The following PTPN2 variants were observed in gnomAD, a reference collection of about 807,000 sequenced individuals.
PTPN2 encodes protein tyrosine phosphatase non-receptor type 2.
Under a neutral mutation model 57.3 loss-of-function variants are expected in PTPN2, and 19 were observed. That is an observed-to-expected ratio of 0.33 (90% CI 0.23 to 0.49). The LOEUF is 0.49. Ranked by LOEUF, PTPN2 falls within the 20% of genes least tolerant of loss-of-function variation. The pLI is 0.99. For synonymous variants in PTPN2, 153 were observed against 164.9 expected, an observed-to-expected ratio of 0.93 and a Z score of 0.55; for missense variants, 358 against 501.1, an observed-to-expected ratio of 0.71 and a Z score of 2.73.
chr18:12,837,007 A>G, intron 2 of PTPN2, 116 bp from the exon 3 acceptor site: 1 of 668,198 alleles, frequency 1.5e-6, no homozygotes, highest in East Asian at 2.8e-5. Flanking sequence ...ATGAATTAGC[A>G]TCATAATAGA....
intron 1 of PTPN2, among the ~76,000 whole-genome samples, chr18:12,878,596 G>C (rs1017839070): frequency 6.6e-5 from 10 of 151,742 alleles, no homozygotes; most frequent in Admixed American, 4.6e-4. Flanking sequence ...CTTGAACCTG[G>C]GGGGAGCAGA....
downstream of PTPN2, among the ~76,000 whole-genome samples, chr18:12,789,878 GTATATATA>G (rs1002659485): frequency 6.6e-6 from 1 of 151,346 alleles, no homozygotes; most frequent in African/African-American, 2.4e-5. Flanking sequence ...GTGTGTGTGT[GTATATATA>G]TATGTATGTA....
At chr18:12,847,166 T>G (rs926429057) in intron 2 of PTPN2, among the ~76,000 whole-genome samples, 1 of 151,912 alleles carries the variant, frequency 6.6e-6, no homozygotes, top group Non-Finnish European at 1.5e-5. Flanking sequence ...ATACAAGAAA[T>G]AGACCAAAGT....
At chr18:12,803,027 T>C (rs2041488845) in intron 7 of PTPN2, among the ~76,000 whole-genome samples, 1 of 152,124 alleles carries the variant, frequency 6.6e-6, no homozygotes, top group Non-Finnish European at 1.5e-5. Flanking sequence ...AAGTAAAAAA[T>C]GGTTAATGGT....
At chr18:12,807,586 A>AAAAAAATATATATATAT in intron 7 of PTPN2, among the ~76,000 whole-genome samples, 1 of 35,200 alleles carries the variant, frequency 2.8e-5, no homozygotes, top group African/African-American at 7.0e-5. Context: ...AAAAAAAAAA[A>AAAAAAATATATATATAT]ATATATATAT....
At chr18:12,870,658 G>A (rs1447226507) in intron 1 of PTPN2, among the ~76,000 whole-genome samples, 2 of 149,522 alleles carry the variant, frequency 1.3e-5, no homozygotes, top group Non-Finnish European at 3.0e-5. Context: ...ACAGGCGCCC[G>A]CAACCACGCC....
At chr18:12,865,909 T>C (rs1008120540) in intron 1 of PTPN2, among the ~76,000 whole-genome samples, 10 of 152,144 alleles carry the variant, frequency 6.6e-5, no homozygotes, top group African/African-American at 2.4e-4. Context: ...ATGAACTAGC[T>C]ATTCTACTCC....
intron 3 of PTPN2, among the ~76,000 whole-genome samples, chr18:12,836,341 G>C (rs1209042513): frequency 1.3e-5 from 2 of 152,194 alleles, no homozygotes; most frequent in East Asian, 1.9e-4. Flanking sequence ...CTCAGCACCC[G>C]CTCAGGTCCT....
intron 1 of PTPN2, among the ~76,000 whole-genome samples, chr18:12,865,581 G>A (rs778125337): frequency 1.3e-5 from 2 of 151,906 alleles, no homozygotes; most frequent in Non-Finnish European, 2.9e-5. Context: ...TGCTGAGGTG[G>A]GCAGATTGCC....
At chr18:12,795,396 C>G (rs1445973055) in intron 8 of PTPN2, among the ~76,000 whole-genome samples, 1 of 152,126 alleles carries the variant, frequency 6.6e-6, no homozygotes, top group African/African-American at 2.4e-5. Context: ...CGGGTTCAAG[C>G]AATTCTTCTG....
intron 2 of PTPN2, among the ~76,000 whole-genome samples, chr18:12,837,937 T>G (rs999113026): frequency 6.6e-6 from 1 of 152,238 alleles, no homozygotes; most frequent in Non-Finnish European, 1.5e-5. Context: ...GATCTTGTTA[T>G]AGTAAATCAC....
chr18:12,811,164 A>G (rs146619241), intron 7 of PTPN2, among the ~76,000 whole-genome samples: 2 of 152,314 alleles, frequency 1.3e-5, no homozygotes, highest in African/African-American at 4.8e-5. Flanking sequence ...AACTCGCCCA[A>G]GGATATGCAC....
chr18:12,859,764 A>G (rs553284883), intron 1 of PTPN2, among the ~76,000 whole-genome samples: 2 of 152,270 alleles, frequency 1.3e-5, no homozygotes, highest in South Asian at 2.1e-4. Flanking sequence ...TTTAACTGTT[A>G]CTTTATTTTG....
intron 7 of PTPN2, among the ~76,000 whole-genome samples, chr18:12,813,913 G>A (rs112705361): frequency 5.3e-5 from 8 of 152,166 alleles, no homozygotes; most frequent in Admixed American, 4.6e-4. Context: ...CAAGTTTCCA[G>A]TTACTTTAAT....
chr18:12,826,140 C>T (rs1296201632), intron 4 of PTPN2, among the ~76,000 whole-genome samples, 196 bp from the exon 5 acceptor site: 10 of 152,216 alleles, frequency 6.6e-5, no homozygotes, highest in African/African-American at 2.4e-4. Flanking sequence ...CGGTGACTCA[C>T]GCCTGTAATC....
intron 5 of PTPN2, among the ~76,000 whole-genome samples, chr18:12,824,135 T>C (rs1189036317): frequency 3.3e-5 from 5 of 152,210 alleles, no homozygotes; most frequent in Non-Finnish European, 5.9e-5. Flanking sequence ...CAAAGAGTTA[T>C]TGATGTATCT....
chr18:12,793,763 TTAAA>T lies in PTPN2; in HGVS notation c.*511_*514del, dbSNP rs45580240. 0.019 allele frequency: 17,609 copies of T among 941,116 alleles called. 189 individuals are homozygous for T. The highest frequency in any genetic ancestry group is 0.02 in the Non-Finnish European group (15,929 of 788,544). The allele number at this position is 941,116 out of a possible 1,614,324, so 58.3% of individuals were successfully genotyped here. A position where few individuals can be genotyped will look rare whatever the true frequency, so the allele number is the denominator to read the frequency against. ...AAAAAGTACAGTTAACTACAAAAGA[TTAAA>T]TAGATACTTATAAAATATATTTACC... On this transcript the variant is annotated 3_prime_UTR_variant, in exon 9 of 9. Transcript: ENST00000309660.
At chr18:12,878,540 G>A (rs1378003630) in intron 1 of PTPN2, among the ~76,000 whole-genome samples, 1 of 151,682 alleles carries the variant, frequency 6.6e-6, no homozygotes, top group Non-Finnish European at 1.5e-5. Context: ...CGTGCTGGTG[G>A]GCACCTGTAA....
intron 5 of PTPN2, among the ~76,000 whole-genome samples, chr18:12,818,040 G>A (rs1435402574): frequency 2.0e-5 from 3 of 152,172 alleles, no homozygotes; most frequent in Non-Finnish European, 4.4e-5. Flanking sequence ...TACTTGGGAG[G>A]CTGAGGCAGG....
Sources: gnomAD v4.1 joint callset for allele counts (sites outside exome capture counted in the v4.1 genomes callset) on GRCh38, gnomAD v4.1.1 for gene constraint, MANE v1.5 for transcripts, NCBI Gene and HGNC (gene_info 2026-07-23, HGNC 2026-07-21) for gene names.